CYP4Z1: variants seen among roughly 807,000 people sequenced by gnomAD.
CYP4Z1 encodes cytochrome P450 4Z1.
A neutral mutation model predicts 54.2 loss-of-function variants in CYP4Z1; 41 were observed. The ratio of observed to expected loss-of-function variants is 0.76; its 90% confidence interval spans 0.59 to 0.98. The LOEUF (loss-of-function observed/expected upper bound fraction) is 0.98. CYP4Z1 is among the 50% of genes least tolerant of loss of function. The pLI is 0.00. For missense variants in CYP4Z1, 513 were observed against 599.0 expected (o/e 0.86, Z 1.50); for synonymous variants, 163 against 206.2 (o/e 0.79, Z 1.79).
the CYP4Z1 span, among the ~76,000 whole-genome samples, chr1:47,056,973 T>G: frequency 3.3e-5 from 5 of 152,124 alleles, no homozygotes; most frequent in African/African-American, 1.2e-4. Flanking sequence ...TGATGTTAGC[T>G]GATTATTTTG....
intron 8 of CYP4Z1, among the ~76,000 whole-genome samples, chr1:47,104,406 A>G (rs4926787): frequency 0.43 from 64,995 of 151,538 alleles, 15,224 homozygotes; most frequent in East Asian, 0.96. Context: ...AGTGTTAGCT[A>G]CTCCAGGCAG....
At chr1:47,063,048 G>C (rs1278170415), upstream of CYP4Z1, among the ~76,000 whole-genome samples, 1 of 152,168 alleles carries the variant, frequency 6.6e-6, no homozygotes, top group East Asian at 1.9e-4. Context: ...CCTGAAGATG[G>C]ATCACATCAT....
At chr1:47,097,820 A>T (rs1209129928) in intron 7 of CYP4Z1, among the ~76,000 whole-genome samples, 18 of 128,410 alleles carry the variant, frequency 1.4e-4, no homozygotes, top group East Asian at 4.6e-4. Context: ...GTTCCATATG[A>T]TTTTTTTTTT....
chr1:47,067,114 A>G (rs188817211), upstream of CYP4Z1, among the ~76,000 whole-genome samples: 1 of 152,316 alleles, frequency 6.6e-6, no homozygotes, highest in East Asian at 1.9e-4. Flanking sequence ...TAAACAAAAA[A>G]GAACAGAGAA....
At chr1:47,082,235 T>C in intron 3 of CYP4Z1, 99 bp from the exon 4 acceptor site, 2 of 1,432,268 alleles carry the variant, frequency 1.4e-6, no homozygotes, top group Non-Finnish European at 1.9e-6. Flanking sequence ...ACTCTAACTT[T>C]TCTCCAGTGT....
intron 2 of CYP4Z1, among the ~76,000 whole-genome samples, chr1:47,077,860 G>A (rs1569708288): frequency 6.6e-6 from 1 of 152,172 alleles, no homozygotes; most frequent in South Asian, 2.1e-4. Context: ...TTCAAACAGT[G>A]CTTCCCCCTC....
At chr1:47,078,901 G>A (rs1385814345) in intron 2 of CYP4Z1, among the ~76,000 whole-genome samples, 2 of 150,820 alleles carry the variant, frequency 1.3e-5, no homozygotes, top group Non-Finnish European at 2.9e-5. Flanking sequence ...TTATATGTGA[G>A]AACTTTTTAA....
At chr1:47,097,006 C>T (rs1644682852) in intron 7 of CYP4Z1, 1 of 152,072 alleles carries the variant, frequency 6.6e-6, no homozygotes, top group Admixed American at 6.6e-5. Flanking sequence ...GTTCCCGCAC[C>T]ACGTGTCCAT....
At chr1:47,084,309 T>A (rs1644576233) in intron 4 of CYP4Z1, among the ~76,000 whole-genome samples, 1 of 151,708 alleles carries the variant, frequency 6.6e-6, no homozygotes, top group Non-Finnish European at 1.5e-5. Context: ...TTCTTATTTA[T>A]TTTTTATTCC....
intron 10 of CYP4Z1, among the ~76,000 whole-genome samples, chr1:47,115,880 C>T (rs1419946458): frequency 6.6e-6 from 1 of 152,192 alleles, no homozygotes; most frequent in Admixed American, 6.5e-5. Context: ...TCTCTGCTTT[C>T]ATTCATGTCT....
At chr1:47,076,444 G>A (rs953221443) in intron 2 of CYP4Z1, among the ~76,000 whole-genome samples, 5 of 150,908 alleles carry the variant, frequency 3.3e-5, no homozygotes, top group Admixed American at 6.6e-5. Context: ...ATTAAGCACT[G>A]CTTTTGCTGA....
At chr1:47,057,335 A>AAAAAAAATAT in the CYP4Z1 span, among the ~76,000 whole-genome samples, 54 of 28,454 alleles carry the variant, frequency 1.9e-3, no homozygotes, top group Non-Finnish European at 3.2e-3. Context: ...AAGAAAAAAA[A>AAAAAAAATAT]ATATATATAT....
chr1:47,101,300 G>C (rs990746254), intron 8 of CYP4Z1, among the ~76,000 whole-genome samples: 4 of 151,066 alleles, frequency 2.6e-5, no homozygotes, highest in Admixed American at 2.6e-4. Context: ...TTGGGGTTTG[G>C]CTTGTTCCTG....
At chr1:47,089,260 C>T (rs3904851) in intron 6 of CYP4Z1, among the ~76,000 whole-genome samples, 39,098 of 151,928 alleles carry the variant, frequency 0.26, 5,868 homozygotes, top group East Asian at 0.69. Context: ...GGATCTTACA[C>T]CATTTGAACC....
upstream of CYP4Z1, among the ~76,000 whole-genome samples, chr1:47,064,124 CCA>C (rs1413361160): frequency 6.8e-6 from 1 of 146,750 alleles, no homozygotes; most frequent in Non-Finnish European, 1.5e-5. Flanking sequence ...ACTCTGTTGC[CCA>C]CACTGGAGTG....
At chr1:47,101,929 A>G (rs919715281) in intron 8 of CYP4Z1, among the ~76,000 whole-genome samples, 1 of 152,154 alleles carries the variant, frequency 6.6e-6, no homozygotes, top group African/African-American at 2.4e-5. Flanking sequence ...TGCTTTATAT[A>G]TCTGGGTCCT....
chr1:47,107,171 G>A (rs1847222), intron 9 of CYP4Z1, among the ~76,000 whole-genome samples: 64,687 of 152,028 alleles, frequency 0.43, 15,055 homozygotes, highest in East Asian at 0.96. Context: ...TTTTGCATGT[G>A]TTAACTCATT....
chr1:47,088,773 C>A (rs1444002629), intron 6 of CYP4Z1, among the ~76,000 whole-genome samples: 3 of 134,364 alleles, frequency 2.2e-5, no homozygotes, highest in Admixed American at 1.5e-4. Flanking sequence ...TGTGCCACCA[C>A]ACCCGGCTAA....
chr1:47,118,052 G>A lies in CYP4Z1; in HGVS notation c.*118G>A. ...TTGTTTGACAAATTATATAACTTAG[G>A]ATACTTCTGACTGGTTTTGACATCC... On this transcript the variant is annotated 3_prime_UTR_variant, in exon 12 of 12. Transcript: ENST00000334194. 1 of 1,065,040 alleles carries A rather than the reference G, an allele frequency of 9.4e-7. No homozygotes were observed. Among genetic ancestry groups the A allele is most frequent in the South Asian group, 2.3e-5 (1 of 44,328 alleles). 66.0% of individuals were successfully genotyped at this position (1,065,040 alleles called of 1,614,324 possible).
Sources: allele counts gnomAD v4.1 joint callset (sites outside exome capture counted in the v4.1 genomes callset), GRCh38; gene constraint gnomAD v4.1.1; transcripts MANE v1.5; gene names NCBI Gene and HGNC (gene_info 2026-07-23, HGNC 2026-07-21).